The following ZNF527 variants were observed in gnomAD, a reference collection of about 807,000 sequenced individuals.
The protein encoded by ZNF527 is zinc finger protein 527.
Under a neutral mutation model 13.5 loss-of-function variants are expected in ZNF527, and 5 were observed. The ratio of observed to expected loss-of-function variants is 0.37; its 90% confidence interval spans 0.19 to 0.78. The LOEUF (loss-of-function observed/expected upper bound fraction) is 0.78, where lower values mean the gene tolerates loss of function less well. Among genes scored for constraint, ZNF527 ranks in the 30% least tolerant of loss-of-function variants. ZNF527 has a pLI of 0.48. For synonymous variants in ZNF527, 209 were observed against 243.1 expected (o/e 0.86, Z 1.30); for missense variants, 628 against 726.4 (o/e 0.86, Z 1.56).
At chr19:37,380,488 C>A in intron 4 of ZNF527, 116 bp downstream of exon 4, 1 of 785,256 alleles carries the variant, frequency 1.3e-6, no homozygotes, top group Non-Finnish European at 2.0e-6. Context: ...ATAGTATGTG[C>A]TTCCCTAGAA....
chr19:37,389,204 A>T lies in ZNF527; in HGVS notation c.1155A>T (p.Pro385=). 1 of 1,613,884 alleles carries T rather than the reference A, an allele frequency of 6.2e-7. No individual in the cohort carries two copies. Among genetic ancestry groups the T allele is most frequent in the South Asian group, 1.1e-5 (1 of 91,064 alleles). ...EHQRIHTGEK[P]YECKECNKAF... is the part of the protein sequence containing the mutation. ...AGAGAATTCACACAGGTGAGAAACC[A>T]TATGAATGTAAAGAATGTAATAAAG... The change falls in exon 5 of 5, where the codon CCA becomes CCT. Residue 385 remains proline (P), a synonymous_variant. Transcript: ENST00000436120.
Position 37,389,429 on chromosome 19 carries a change from T to C in ZNF527, c.1380T>C (p.His460=). The change falls in exon 5 of 5, where the codon CAT becomes CAC. Residue 460 remains histidine (H), a synonymous_variant. Coordinates refer to ENST00000436120, the MANE Select transcript of ZNF527 (RefSeq NM_032453.2). ...GCTATCGCTCACACCTGAATCAACA[T>C]CAGAGAATTCATACCGGAGAAAAGC... ...TFGYRSHLNQ[H]QRIHTGEKPY... 1.2e-6 allele frequency: 2 copies of C among 1,614,008 alleles called. No individual in the cohort carries two copies. Among genetic ancestry groups the C allele is most frequent in the Middle Eastern group, 1.6e-4 (1 of 6,062 alleles).
Position 37,388,319 on chromosome 19 carries a change from G to T in ZNF527, c.270G>T (p.Trp90Cys). Residue 90 changes from tryptophan (W) to cysteine (C), a missense_variant, in exon 5 of 5, where the codon TGG (tryptophan) becomes TGT (cysteine). By Grantham distance (215) the Trp-to-Cys change is radical. Around this residue, in one of 3 missense-constraint regions of ZNF527, gnomAD observed 592 missense variants for 678.0 expected, o/e 0.87. Coordinates refer to ENST00000436120, the MANE Select transcript of ZNF527 (RefSeq NM_032453.2). ...SQGHCADWES[W>C]CEIEELSPKW... is the part of the protein sequence containing the mutation. ...GATATTTTTCAGACTGGGAGTCTTGGTGTGAAATTGAGGAATTATCTCCAA... is the reference window on the plus strand; with the variant it reads ...GATATTTTTCAGACTGGGAGTCTTGTTGTGAAATTGAGGAATTATCTCCAA... The T allele has an allele frequency of 6.2e-7, 1 of 1,612,674 alleles. No individual in the cohort carries two copies. Among genetic ancestry groups the T allele is most frequent in the South Asian group, 1.1e-5 (1 of 90,928 alleles).
At position 37,388,864 on chromosome 19, in the gene ZNF527, T is replaced by C; in HGVS notation, c.815T>C (p.Leu272Ser). 1.2e-6 allele frequency: 2 copies of C among 1,614,196 alleles called. No individual in the cohort carries two copies. The highest frequency in any genetic ancestry group is 1.7e-6 in the Non-Finnish European group (2 of 1,180,042). ...CATCAGACCACTCATTTTGGAAAAT[T>C]ACCCCATGGATACGATGAATGTGGT... The part of the protein sequence containing the change: ...TQHQTTHFGK[L>S]PHGYDECGDA... The change falls in exon 5 of 5, where the codon TTA becomes TCA. Residue 272 changes from leucine to serine, a missense_variant. Around this residue, in one of 3 missense-constraint regions of ZNF527, gnomAD observed 592 missense variants for 678.0 expected, o/e 0.87. Transcript: ENST00000436120.
At chr19:37,385,838 C>G (rs1207233934) in intron 4 of ZNF527, among the ~76,000 whole-genome samples, 1 of 152,138 alleles carries the variant, frequency 6.6e-6, no homozygotes, top group African/African-American at 2.4e-5. Flanking sequence ...CAGTTGTAAT[C>G]TCAACTCACT....
intron 4 of ZNF527, chr19:37,385,024 C>T (rs2040686779): frequency 1.4e-6 from 1 of 696,392 alleles, no homozygotes; most frequent in Non-Finnish European, 2.6e-6. Flanking sequence ...CGAGGTCTCA[C>T]TGTGTTGCCC....
chr19:37,380,229 T>C (rs377628659), intron 3 of ZNF527, 48 bp from the exon 4 acceptor site: 14 of 1,608,810 alleles, frequency 8.7e-6, no homozygotes, highest in Middle Eastern at 3.3e-4. Flanking sequence ...TTTGTTTGTC[T>C]GTATGTCTTT....
chr19:37,385,301 C>T (rs1257373180), intron 4 of ZNF527: 1 of 427,630 alleles, frequency 2.3e-6, no homozygotes, highest in Non-Finnish European at 4.1e-6. Flanking sequence ...TTCCTTTCAA[C>T]CAGATGTCGT....
chr19:37,388,707 A>G lies in ZNF527; in HGVS notation c.658A>G (p.Ile220Val). Residue 220 changes from isoleucine (I) to valine (V), a missense_variant, in exon 5 of 5, where the codon ATA becomes GTA. By Grantham distance (29) the Ile-to-Val change is conservative (BLOSUM62 3). This residue lies in a region of ZNF527 where 592 missense variants were observed against 678.0 expected (regional missense o/e 0.87). Transcript: ENST00000436120. ...ACTCCATGCTGAGAAGGAATCTTTG[A>G]TAGGTAATGAATGTGAAGAATTCAA... ...KRLHAEKESL[I>V]GNECEEFNQS... The G allele has an allele frequency of 6.2e-7, 1 of 1,611,752 alleles. No individual in the cohort carries two copies. Among genetic ancestry groups the G allele is most frequent in the Non-Finnish European group, 8.5e-7 (1 of 1,179,392 alleles).
intron 2 of ZNF527, among the ~76,000 whole-genome samples, chr19:37,377,049 C>T (rs892659936): frequency 2.6e-5 from 4 of 151,762 alleles, no homozygotes; most frequent in African/African-American, 4.8e-5. Flanking sequence ...AAACAACTTA[C>T]GGGAAGAGTT....
At chr19:37,378,153 G>A (rs573866631) in intron 2 of ZNF527, among the ~76,000 whole-genome samples, 90 of 151,118 alleles carry the variant, frequency 6.0e-4, no homozygotes, top group African/African-American at 2.1e-3. Flanking sequence ...TCAGCCTCCC[G>A]AGTAGTTGGG....
At chr19:37,383,846 C>G (rs2040675467) in intron 4 of ZNF527, among the ~76,000 whole-genome samples, 1 of 152,130 alleles carries the variant, frequency 6.6e-6, no homozygotes, top group Middle Eastern at 3.4e-3. Flanking sequence ...CTATTTTCCA[C>G]TTTTTAAAAT....
intron 1 of ZNF527, among the ~76,000 whole-genome samples, chr19:37,373,929 A>G (rs754404740): frequency 2.2e-4 from 33 of 152,202 alleles, no homozygotes; most frequent in Non-Finnish European, 4.4e-4. Context: ...TGGCCGTAGG[A>G]CAGACTTTGG....
chr19:37,391,532 G>A lies in ZNF527; in HGVS notation c.*1653G>A, dbSNP rs2040752509. 2 of 150,510 alleles carry A rather than the reference G, an allele frequency of 1.3e-5. No individual in the cohort carries two copies. Among genetic ancestry groups the A allele is most frequent in the South Asian group, 4.2e-4 (2 of 4,794 alleles). 9.3% of individuals were successfully genotyped at this position (150,510 alleles called of 1,614,324 possible). A position where few individuals can be genotyped will look rare whatever the true frequency, so the allele number is the denominator to read the frequency against. On this transcript the variant is annotated 3_prime_UTR_variant, in exon 5 of 5. Coordinates refer to ENST00000436120, the MANE Select transcript of ZNF527 (RefSeq NM_032453.2). ...TACAGTGAGCGAAGATCGCGCCATT[G>A]TACTCCAGCCTGGGCAACAAGAGCG...
intron 2 of ZNF527, among the ~76,000 whole-genome samples, chr19:37,377,733 G>A (rs1361302555): frequency 1.3e-5 from 2 of 152,094 alleles, no homozygotes; most frequent in Admixed American, 6.5e-5. Flanking sequence ...CAGGTGCTCT[G>A]AACTTTGATT....
chr19:37,386,140 C>CTTGTTTTTT (rs2040696914), intron 4 of ZNF527, among the ~76,000 whole-genome samples: 1 of 72,456 alleles, frequency 1.4e-5, no homozygotes, highest in Non-Finnish European at 2.3e-5. Context: ...TCTTCTTTTC[C>CTTGTTTTTT]TTTTTTTTTT....
rs139074594 is a variant in ZNF527 at position 37,383,007 on chromosome 19, G to A, written c.256+2635G>A. On this transcript the variant is annotated intron_variant, in intron 4 of 4. Transcript: ENST00000436120. ...CAGTTATGAGCCACCATGCCCGGCC[G>A]TATATACGTAGTTTTATAAGGAATT... 3.6e-3 allele frequency among the ~76,000 whole-genome samples: 549 copies of A among 151,958 alleles called. 5 individuals are homozygous for A. Among genetic ancestry groups the A allele is most frequent in the African/African-American group, 0.013 (526 of 41,456 alleles).
intron 2 of ZNF527, among the ~76,000 whole-genome samples, chr19:37,378,707 C>G (rs1055278808): frequency 1.3e-5 from 2 of 152,158 alleles, no homozygotes; most frequent in Non-Finnish European, 2.9e-5. Flanking sequence ...TTTCTCCTTA[C>G]ATATAAAGTC....
At chr19:37,376,611 T>G (rs1212930149) in intron 2 of ZNF527, among the ~76,000 whole-genome samples, 2 of 146,258 alleles carry the variant, frequency 1.4e-5, no homozygotes, top group African/African-American at 5.1e-5. Context: ...GAGGTGGAGG[T>G]TGCAGTGAGC....
Sources: allele counts gnomAD v4.1 joint callset (sites outside exome capture counted in the v4.1 genomes callset), GRCh38; gene constraint gnomAD v4.1.1; regional missense constraint gnomAD v4.1.1; transcripts MANE v1.5; gene names NCBI Gene and HGNC (gene_info 2026-07-23, HGNC 2026-07-21).